Variants in STAG1 observed in about 807,000 individuals in gnomAD.
The protein encoded by STAG1 is cohesin subunit SA-1.
Under a neutral mutation model 170.9 loss-of-function variants are expected in STAG1, and 26 were observed. That is an observed-to-expected ratio of 0.15 (90% CI 0.11 to 0.21). STAG1 has a LOEUF of 0.21. Among genes scored for constraint, STAG1 ranks in the 10% least tolerant of loss-of-function variants. The pLI, the probability that STAG1 is intolerant of heterozygous loss-of-function variation, is 1.00. For synonymous variants in STAG1, 514 were observed against 497.7 expected, an observed-to-expected ratio of 1.03 and a Z score of -0.44; for missense variants, 964 against 1,509.5, an observed-to-expected ratio of 0.64 and a Z score of 5.99.
In STAG1 at chr3:136,623,130, C is replaced by T; in HGVS notation, c.132+16G>A. On this transcript the variant is annotated intron_variant, in intron 3 of 33. Transcript: ENST00000383202. ...GTCACTATTAAAGGAACAAAGAAGA[C>T]AAGCATAATACATACTGGAGGCCGG... 2.5e-6 allele frequency: 4 copies of T among 1,600,800 alleles called. No individual in the cohort carries two copies. Among genetic ancestry groups the T allele is most frequent in the Non-Finnish European group, 3.4e-6 (4 of 1,171,924 alleles).
intron 6 of STAG1, among the ~76,000 whole-genome samples, chr3:136,525,128 T>C (rs1278136280): frequency 1.3e-5 from 2 of 152,200 alleles, no homozygotes; most frequent in South Asian, 2.1e-4. Context: ...TTAGAGAGGA[T>C]TCCCTCTTTT....
chr3:136,493,839 G>A (rs187473876), intron 9 of STAG1, among the ~76,000 whole-genome samples: 300 of 151,886 alleles, frequency 2.0e-3, no homozygotes, highest in African/African-American at 6.9e-3. Flanking sequence ...ATAAATAAGG[G>A]GGCTGACAAC....
At chr3:136,463,701 G>A (rs1360137050) in intron 13 of STAG1, among the ~76,000 whole-genome samples, 13 of 132,478 alleles carry the variant, frequency 9.8e-5, no homozygotes, top group African/African-American at 4.1e-4. Flanking sequence ...AAGACAGCAA[G>A]ACCCCATCTC....
At chr3:136,551,197 TTGAGAGAGAGTG>T (rs1936366654) in intron 5 of STAG1, among the ~76,000 whole-genome samples, 2 of 36,346 alleles carry the variant, frequency 5.5e-5, no homozygotes, top group Non-Finnish European at 1.0e-4. Context: ...GAGAGAGAGG[TTGAGAGAGAGTG>T]AGAGAGAGAG....
intron 6 of STAG1, among the ~76,000 whole-genome samples, chr3:136,535,679 TAAAC>T (rs1320998446): frequency 6.6e-6 from 1 of 151,880 alleles, no homozygotes; most frequent in Non-Finnish European, 1.5e-5. Flanking sequence ...AACAAACAAG[TAAAC>T]AAACAAAACA....
intron 13 of STAG1, among the ~76,000 whole-genome samples, chr3:136,455,166 T>G (rs1405815203): frequency 1.3e-5 from 2 of 152,202 alleles, no homozygotes; most frequent in Non-Finnish European, 2.9e-5. Context: ...AAACTTTTTT[T>G]GGTGTTGTGA....
At chr3:136,345,421 T>C (rs2108263423) in intron 29 of STAG1, among the ~76,000 whole-genome samples, 1 of 151,878 alleles carries the variant, frequency 6.6e-6, no homozygotes, top group South Asian at 2.1e-4. Flanking sequence ...TAAAGCATTA[T>C]TTACAAACTG....
chr3:136,422,639 G>T, intron 18 of STAG1, 26 bp from the exon 19 acceptor site: 2 of 1,594,040 alleles, frequency 1.3e-6, no homozygotes, highest in Non-Finnish European at 1.7e-6. Flanking sequence ...AAGAAAAACT[G>T]TAATATTTAG....
At chr3:136,551,245 GAGAGA>G (rs1936380998) in intron 5 of STAG1, among the ~76,000 whole-genome samples, 1 of 146,978 alleles carries the variant, frequency 6.8e-6, no homozygotes, top group Non-Finnish European at 1.5e-5. Flanking sequence ...GAGAGAGAGA[GAGAGA>G]GAGAGAGAGA....
Position 136,343,882 on chromosome 3 carries a change from C to G in STAG1, c.3396G>C (p.Gln1132His), listed in dbSNP as rs34149860. Residue 1132 changes from glutamine (Q) to histidine (H), a missense_variant, in exon 30 of 34, where the codon CAG becomes CAC. Gln to His is a conservative substitution (Grantham distance 24, BLOSUM62 0). Around this residue, in one of 11 missense-constraint regions of STAG1, gnomAD observed 122 missense variants for 129.0 expected, o/e 0.95. Coordinates refer to ENST00000383202, the MANE Select transcript of STAG1 (RefSeq NM_005862.3). ...CATGTTCAGACTCAGGTTCTTGAAT[C>G]TGGTCTCCCATGGGCCGACTGTTCT... ...LRENSRPMGD[Q>H]IQEPESEHGS... is the part of the protein sequence containing the mutation. 25,305 of 1,600,140 alleles carry G rather than the reference C, an allele frequency of 0.016. 3,241 individuals carry two copies. In the African/African-American group the frequency reaches 0.29, roughly 18 times the overall value.
At chr3:136,744,476 GAA>G (rs1559985785) in intron 1 of STAG1, among the ~76,000 whole-genome samples, 1 of 152,136 alleles carries the variant, frequency 6.6e-6, no homozygotes, top group African/African-American at 2.4e-5. Flanking sequence ...ACAAAAGTGA[GAA>G]TGTAATTTCT....
At chr3:136,608,248 G>C (rs535424245) in intron 3 of STAG1, among the ~76,000 whole-genome samples, 2 of 146,540 alleles carry the variant, frequency 1.4e-5, no homozygotes, top group East Asian at 2.0e-4. Flanking sequence ...AACAGAGCAA[G>C]ACTCCATCTC....
chr3:136,478,790 T>C (rs984577921), intron 9 of STAG1, among the ~76,000 whole-genome samples: 1 of 152,172 alleles, frequency 6.6e-6, no homozygotes, highest in Non-Finnish European at 1.5e-5. Flanking sequence ...AGTATCTTTT[T>C]CTCATGGAGA....
chr3:136,570,436 T>C (rs1011341706), intron 4 of STAG1, among the ~76,000 whole-genome samples: 2 of 152,220 alleles, frequency 1.3e-5, no homozygotes, highest in African/African-American at 4.8e-5. Flanking sequence ...TATCACCCAT[T>C]TTACTGTTGA....
intron 5 of STAG1, among the ~76,000 whole-genome samples, 198 bp from the exon 6 acceptor site, chr3:136,542,393 T>C (rs1028654978): frequency 1.3e-5 from 2 of 152,186 alleles, no homozygotes; most frequent in Admixed American, 6.5e-5. Context: ...AGGAAGAATT[T>C]TGAAATTGCC....
At chr3:136,655,564 G>A (rs1438966385) in intron 1 of STAG1, among the ~76,000 whole-genome samples, 4 of 152,118 alleles carry the variant, frequency 2.6e-5, no homozygotes, top group African/African-American at 9.7e-5. Context: ...GGAGTTCCAG[G>A]CCAGCCTGGC....
Position 136,604,476 on chromosome 3 carries a change from GAAAAAAAGAT to G in STAG1, c.133-13_133-4del, listed in dbSNP as rs1359481617. On this transcript the variant is annotated splice_region_variant and splice_polypyrimidine_tract_variant and intron_variant, in intron 3 of 33. Coordinates refer to ENST00000383202, the MANE Select transcript of STAG1 (RefSeq NM_005862.3). ...TTTCGAGGTTTCTTATTTGTAGACT[GAAAAAAAGAT>G]AAAAAAAGATTCCATTCGATTAGGT... 2.5e-6 allele frequency: 4 copies of G among 1,580,862 alleles called. No homozygotes were observed. The highest frequency in any genetic ancestry group is 3.4e-4 in the Middle Eastern group (2 of 5,882).
chr3:136,458,132 T>C (rs2089170310), intron 13 of STAG1, among the ~76,000 whole-genome samples: 2 of 152,132 alleles, frequency 1.3e-5, no homozygotes, highest in Non-Finnish European at 2.9e-5. Context: ...TGTATTTTTT[T>C]CTGTGTTTTT....
chr3:136,611,386 T>G (rs2107816560), intron 3 of STAG1, among the ~76,000 whole-genome samples: 1 of 151,860 alleles, frequency 6.6e-6, no homozygotes, highest in South Asian at 2.1e-4. Flanking sequence ...CGACCTCAGG[T>G]GATCCGCCCG....
Sources: allele counts gnomAD v4.1 joint callset (sites outside exome capture counted in the v4.1 genomes callset), GRCh38; gene constraint gnomAD v4.1.1; regional missense constraint gnomAD v4.1.1; transcripts MANE v1.5; gene names NCBI Gene and HGNC (gene_info 2026-07-23, HGNC 2026-07-21).